PARD3B: variants seen among roughly 807,000 people sequenced by gnomAD.
PARD3B encodes partitioning defective 3 homolog B.
A neutral mutation model predicts 130.2 loss-of-function variants in PARD3B; 103 were observed. The observed-to-expected ratio is 0.79, with a 90% CI of 0.67 to 0.93. The LOEUF (loss-of-function observed/expected upper bound fraction) is 0.93, where lower values mean the gene tolerates loss of function less well. PARD3B is among the 40% of genes least tolerant of loss of function. The probability of loss-of-function intolerance (pLI) is 0.00; values close to 1 mark genes in which losing one functional copy is unlikely to be tolerated. For missense variants in PARD3B, 1,609 were observed against 1,499.2 expected (o/e 1.07, Z -1.21); for synonymous variants, 583 against 553.2 (o/e 1.05, Z -0.76).
chr2:204,688,360 A>G (rs1207656529), intron 2 of PARD3B, among the ~76,000 whole-genome samples: 2 of 152,040 alleles, frequency 1.3e-5, no homozygotes, highest in Non-Finnish European at 2.9e-5. Flanking sequence ...TGGGTGGATC[A>G]CGAGGTCAGG....
At chr2:204,562,000 C>G (rs1266571161) in intron 1 of PARD3B, among the ~76,000 whole-genome samples, 1 of 152,080 alleles carries the variant, frequency 6.6e-6, no homozygotes, top group Non-Finnish European at 1.5e-5. Context: ...GGTTTACTGC[C>G]AAAGTTTGGA....
At chr2:205,344,742 T>C (rs145258171) in intron 18 of PARD3B, among the ~76,000 whole-genome samples, 500 of 152,310 alleles carry the variant, frequency 3.3e-3, no homozygotes, top group Non-Finnish European at 5.1e-3. Context: ...ATGTATTTAT[T>C]TGAAGCTTTT....
At chr2:204,649,530 T>C (rs2125166504) in intron 1 of PARD3B, among the ~76,000 whole-genome samples, 2 of 152,010 alleles carry the variant, frequency 1.3e-5, no homozygotes, top group Middle Eastern at 3.4e-3. Flanking sequence ...TTATTATGCA[T>C]GGTACTGGTA....
intron 6 of PARD3B, 33 bp from the exon 7 acceptor site, chr2:205,118,888 G>T (rs2030270128): frequency 7.2e-7 from 1 of 1,386,534 alleles, no homozygotes; most frequent in Non-Finnish European, 9.9e-7. Context: ...TTATTATTCA[G>T]TAATTATATT....
At chr2:204,804,131 G>A (rs2042679096) in intron 2 of PARD3B, among the ~76,000 whole-genome samples, 1 of 152,142 alleles carries the variant, frequency 6.6e-6, no homozygotes. Flanking sequence ...AGGAGGCTGA[G>A]GTTAGGAGGA....
intron 22 of PARD3B, among the ~76,000 whole-genome samples, chr2:205,604,508 G>T (rs1209794715): frequency 6.6e-6 from 1 of 152,162 alleles, no homozygotes; most frequent in Non-Finnish European, 1.5e-5. Flanking sequence ...CAACACTTGG[G>T]AATTCAAGAT....
rs1352109950 is a variant in PARD3B at position 204,678,678 on chromosome 2, C to T, written c.121-7503C>T. 6.6e-6 allele frequency among the ~76,000 whole-genome samples: 1 copy of T among 152,052 alleles called. No homozygotes were observed. On this transcript the variant is annotated intron_variant, in intron 1 of 22. Coordinates refer to ENST00000406610, the MANE Select transcript of PARD3B (RefSeq NM_001302769.2). The surrounding 1 kb of genome is among the most constrained non-coding windows in gnomAD (Gnocchi z 4.2). ...TCTGATGCGCAGTTGCTTCTCCTCTCGATGTTCAGCCGCTTGTCTCTCTGC... is the reference window on the plus strand; with the variant it reads ...TCTGATGCGCAGTTGCTTCTCCTCTTGATGTTCAGCCGCTTGTCTCTCTGC...
In PARD3B at chr2:205,592,265, A is replaced by G. The variant is rs2054413003; in HGVS notation, c.3261-23191A>G. Among the ~76,000 whole-genome samples the G allele has an allele frequency of 6.6e-6, 1 of 152,216 alleles. No individual in the cohort carries two copies. The highest frequency in any genetic ancestry group is 2.4e-5 in the African/African-American group (1 of 41,452). The stretch of plus-strand genomic sequence containing the variant: ...CTATAGTGGGCTGAGCGTAACATCA[A>G]GGTTGACTTGTTCATTGGAATTGCT... On this transcript the variant is annotated intron_variant, in intron 22 of 22. Transcript: ENST00000406610. This position sits in a 1 kb window ranked among gnomAD's most constrained non-coding sequence, Gnocchi z 4.5.
At chr2:204,569,746 T>C (rs2031880407) in intron 1 of PARD3B, among the ~76,000 whole-genome samples, 1 of 152,162 alleles carries the variant, frequency 6.6e-6, no homozygotes, top group Admixed American at 6.5e-5. Context: ...TCCCATGCAG[T>C]TAATGATGAA....
chr2:205,586,117 TTC>T (rs749161968), intron 22 of PARD3B, among the ~76,000 whole-genome samples: 27 of 152,356 alleles, frequency 1.8e-4, no homozygotes, highest in African/African-American at 5.0e-4. Flanking sequence ...TCTTGACAAA[TTC>T]TCTGTCTTGG....
intron 2 of PARD3B, among the ~76,000 whole-genome samples, chr2:204,822,587 A>G (rs933692450): frequency 2.0e-5 from 3 of 152,108 alleles, no homozygotes; most frequent in African/African-American, 7.2e-5. Context: ...ATTGTTGTGT[A>G]ATTTCTCTTA....
intron 2 of PARD3B, among the ~76,000 whole-genome samples, chr2:204,777,874 A>G (rs933770480): frequency 6.6e-6 from 1 of 152,096 alleles, no homozygotes; most frequent in Admixed American, 6.6e-5. Context: ...AGGTGATTGG[A>G]TCAAGAGGGT....
At chr2:204,856,645 G>C (rs1327038595) in intron 2 of PARD3B, among the ~76,000 whole-genome samples, 1 of 151,928 alleles carries the variant, frequency 6.6e-6, no homozygotes, top group Admixed American at 6.6e-5. Flanking sequence ...CATTTCCCTT[G>C]TTTTCTTCTA....
intron 2 of PARD3B, among the ~76,000 whole-genome samples, chr2:204,707,812 A>G (rs1398797650): frequency 6.6e-6 from 1 of 152,214 alleles, no homozygotes; most frequent in Non-Finnish European, 1.5e-5. Flanking sequence ...ATTTTAAAAA[A>G]TAGTAATGCA....
chr2:205,462,333 A>G lies in PARD3B; in HGVS notation c.3044+21661A>G, dbSNP rs115277495. 6.6e-3 allele frequency among the ~76,000 whole-genome samples: 1,003 copies of G among 152,350 alleles called. 8 individuals are homozygous for G. Among genetic ancestry groups the G allele is most frequent in the African/African-American group, 0.023 (961 of 41,592 alleles). ...AATTGTTTATGCGCATGTTTGGTTC[A>G]AATTTCTTTCATCAATCAGTACATT... On this transcript the variant is annotated intron_variant, in intron 20 of 22. Coordinates refer to ENST00000406610, the MANE Select transcript of PARD3B (RefSeq NM_001302769.2).
intron 21 of PARD3B, among the ~76,000 whole-genome samples, chr2:205,522,114 TA>T (rs1358121901): frequency 4.2e-5 from 6 of 141,248 alleles, no homozygotes; most frequent in African/African-American, 1.6e-4. Context: ...ATTTAATAAT[TA>T]TTTTTTGTTT....
chr2:205,029,089 T>C (rs986717116), intron 3 of PARD3B, among the ~76,000 whole-genome samples: 8 of 152,192 alleles, frequency 5.3e-5, no homozygotes, highest in African/African-American at 1.9e-4. Flanking sequence ...GCCTACTTTA[T>C]TTAAGTATGA....
intron 21 of PARD3B, among the ~76,000 whole-genome samples, chr2:205,501,883 C>G (rs556209600): frequency 1.3e-5 from 2 of 152,174 alleles, no homozygotes; most frequent in East Asian, 3.9e-4. Flanking sequence ...GTAACCAGAC[C>G]ATCTAGTGAG....
rs1221443237 is a variant in PARD3B, at chr2:205,592,792, CA to C, written c.3261-22662del. ...CTGGAACAAGTACAGATGGCCAAAT[CA>C]AGAACCTTTCTCTTGGCCTCTGAGC... On this transcript the variant is annotated intron_variant, in intron 22 of 22. Coordinates refer to ENST00000406610, the MANE Select transcript of PARD3B (RefSeq NM_001302769.2). The surrounding 1 kb of genome is among the most constrained non-coding windows in gnomAD (Gnocchi z 4.5). 6.6e-6 allele frequency among the ~76,000 whole-genome samples: 1 copy of C among 152,224 alleles called. No homozygotes were observed. The highest frequency in any genetic ancestry group is 1.5e-5 in the Non-Finnish European group (1 of 68,036).
Sources: allele counts gnomAD v4.1 joint callset (sites outside exome capture counted in the v4.1 genomes callset), GRCh38; gene constraint gnomAD v4.1.1; non-coding constraint Gnocchi (gnomAD v3.1); transcripts MANE v1.5; gene names NCBI Gene and HGNC (gene_info 2026-07-23, HGNC 2026-07-21).